ARID4B: variants seen among roughly 807,000 people sequenced by gnomAD.
ARID4B encodes the protein AT-rich interaction domain 4B, also known as AT-rich interactive domain-containing protein 4B.
ARID4B carries 26 observed loss-of-function variants against 147.5 expected under a neutral mutation model. The ratio of observed to expected loss-of-function variants is 0.18; its 90% confidence interval spans 0.13 to 0.24. The LOEUF (loss-of-function observed/expected upper bound fraction) is 0.24, where lower values mean the gene tolerates loss of function less well. Ranked by LOEUF, ARID4B falls within the 10% of genes least tolerant of loss-of-function variation. The pLI is 1.00. For synonymous variants in ARID4B, 512 were observed against 507.9 expected, an observed-to-expected ratio of 1.01 and a Z score of -0.11; for missense variants, 1,179 against 1,511.5, an observed-to-expected ratio of 0.78 and a Z score of 3.65.
intron 19 of ARID4B, 112 bp downstream of exon 19, chr1:235,193,901 A>T (rs1245170152): frequency 4.0e-5 from 30 of 757,082 alleles, no homozygotes; most frequent in Non-Finnish European, 5.6e-5. Context: ...GAGAGCAAAC[A>T]AAACTCTGGT....
chr1:235,308,737 G>C (rs1446639806), intron 2 of ARID4B, among the ~76,000 whole-genome samples: 2 of 152,272 alleles, frequency 1.3e-5, no homozygotes, highest in East Asian at 1.9e-4. Context: ...TCAGCCTCCC[G>C]AGGTGCCGGG....
Position 235,169,386 on chromosome 1 carries a change from G to A in ARID4B, c.3812-734C>T, listed in dbSNP as rs1467766328. Among the ~76,000 whole-genome samples, 8 of 151,322 alleles carry A rather than the reference G, an allele frequency of 5.3e-5. No homozygotes were observed. In the East Asian group the frequency reaches 1.4e-3, roughly 26 times the overall value. ...CCCCCCAGTAGCTGGGACTATAAGC[G>A]CCCGCCACCACGCCCGGCTAATTTT... On this transcript the variant is annotated intron_variant, in intron 23 of 23. Coordinates refer to ENST00000264183, the MANE Select transcript of ARID4B (RefSeq NM_016374.6).
intron 4 of ARID4B, 106 bp downstream of exon 4, chr1:235,257,054 A>G: frequency 1.3e-6 from 1 of 781,210 alleles, no homozygotes; most frequent in East Asian, 2.6e-5. Context: ...AGAAAATTAC[A>G]TATTGAATTT....
chr1:235,255,287 C>CTATATA (rs558596691), intron 5 of ARID4B, among the ~76,000 whole-genome samples: 1,511 of 136,578 alleles, frequency 0.011, 31 homozygotes, highest in South Asian at 0.035. Flanking sequence ...CTCTCTCTCT[C>CTATATA]TATATATATA....
At position 235,224,736 on chromosome 1, in the gene ARID4B, G is replaced by C; in HGVS notation, c.937C>G (p.Leu313Val). 6.3e-7 allele frequency: 1 copy of C among 1,598,724 alleles called. No individual in the cohort carries two copies. The change falls in exon 12 of 24, where the codon CTT becomes GTT. Residue 313 changes from leucine to valine, a missense_variant. Physicochemically the swap from Leu to Val is conservative, Grantham distance 32. Around this residue, in one of 10 missense-constraint regions of ARID4B, gnomAD observed 159 missense variants for 190.5 expected, o/e 0.83. Transcript: ENST00000264183. Reference sequence around the variant, plus strand: ...TCCATAAATTTGTACAATTGCTGAAGAAAGTTCTCCCTTTCTTCTGGAAAT... The same window carrying C: ...TCCATAAATTTGTACAATTGCTGAACAAAGTTCTCCCTTTCTTCTGGAAAT... ...EPFPEERENF[L>V]QQLYKFMEDR... is the part of the protein sequence containing the mutation.
At chr1:235,305,062 T>C (rs754424396) in intron 2 of ARID4B, among the ~76,000 whole-genome samples, 1 of 152,158 alleles carries the variant, frequency 6.6e-6, no homozygotes, top group Non-Finnish European at 1.5e-5. Context: ...TGCTAATTAG[T>C]TGACCTTGAA....
intron 2 of ARID4B, among the ~76,000 whole-genome samples, chr1:235,322,783 T>C (rs993374313): frequency 2.0e-5 from 3 of 150,160 alleles, no homozygotes; most frequent in Non-Finnish European, 3.0e-5. Flanking sequence ...GAATGACTTA[T>C]GAAAGGGGTG....
At chr1:235,263,770 G>A (rs1367281922) in intron 2 of ARID4B, among the ~76,000 whole-genome samples, 1 of 151,622 alleles carries the variant, frequency 6.6e-6, no homozygotes, top group Non-Finnish European at 1.5e-5. Context: ...GGCGGATCAC[G>A]AGGTCAGGAG....
intron 2 of ARID4B, among the ~76,000 whole-genome samples, chr1:235,308,973 C>T (rs1376363246): frequency 1.3e-5 from 2 of 151,512 alleles, no homozygotes; most frequent in Non-Finnish European, 2.9e-5. Context: ...GCCTGGCTGC[C>T]CAGTCTGGAA....
At chr1:235,255,265 A>ATCTC (rs1553304345) in intron 5 of ARID4B, among the ~76,000 whole-genome samples, 2 of 64,586 alleles carry the variant, frequency 3.1e-5, no homozygotes, top group South Asian at 7.0e-4. Context: ...ATAGATAGAT[A>ATCTC]TATATCTCTC....
At chr1:235,175,425 A>G in intron 21 of ARID4B, 26 bp from the exon 22 acceptor site, 1 of 1,548,862 alleles carries the variant, frequency 6.5e-7, no homozygotes, top group Admixed American at 1.7e-5. Context: ...AAGATTTAAT[A>G]AACAAAAATG....
At chr1:235,250,577 C>G (rs887936379) in intron 6 of ARID4B, among the ~76,000 whole-genome samples, 1 of 152,166 alleles carries the variant, frequency 6.6e-6, no homozygotes, top group African/African-American at 2.4e-5. Context: ...AATGCTTTTT[C>G]TCCTCCAACA....
At position 235,229,236 on chromosome 1, in the gene ARID4B, C is replaced by T. The variant is rs769112247; in HGVS notation, c.892G>A (p.Glu298Lys). 6 of 1,609,740 alleles carry T rather than the reference C, an allele frequency of 3.7e-6. No homozygotes were observed. Among genetic ancestry groups the T allele is most frequent in the Non-Finnish European group, 5.1e-6 (6 of 1,178,166 alleles). ...TATCAACTGTTTTCACTTACTTCTT[C>T]TTCACTGCTATTATCCTCCTTTTCT... ...EKEKEDNSSE[E>K]EEEIEPFPEE... Residue 298 changes from glutamate to lysine, a missense_variant, in exon 11 of 24, where the codon GAA becomes AAA. Glu to Lys is a moderately conservative substitution (Grantham distance 56). Transcript: ENST00000264183.
intron 3 of ARID4B, 54 bp downstream of exon 3, chr1:235,260,588 A>G: frequency 7.5e-7 from 1 of 1,340,362 alleles, no homozygotes; most frequent in Non-Finnish European, 1.0e-6. Flanking sequence ...ACCAAATAAA[A>G]GTTTACATAT....
chr1:235,227,307 C>CA (rs1436284170), intron 11 of ARID4B, among the ~76,000 whole-genome samples: 1 of 152,064 alleles, frequency 6.6e-6, no homozygotes, highest in Non-Finnish European at 1.5e-5. Flanking sequence ...TTTACAGTGA[C>CA]AAAAAGCTAC....
intron 2 of ARID4B, among the ~76,000 whole-genome samples, chr1:235,277,894 A>G (rs1671440936): frequency 6.6e-6 from 1 of 152,178 alleles, no homozygotes. Flanking sequence ...GACTCTCCAT[A>G]TGCACCTACT....
At position 235,182,332 on chromosome 1, in the gene ARID4B, C is replaced by T; in HGVS notation, c.2587G>A (p.Asp863Asn). The T allele has an allele frequency of 6.2e-7, 1 of 1,613,968 alleles. No individual in the cohort carries two copies. Among genetic ancestry groups the T allele is most frequent in the Non-Finnish European group, 8.5e-7 (1 of 1,179,986 alleles). ...CMENSSNSSS[D>N]EDEEETKAKM... ...GCTTTTGTTTCTTCTTCATCTTCAT[C>T]TGAAGAGCTGTTGCTACTGTTTTCC... is the stretch of plus-strand genomic sequence containing the variant. The change falls in exon 20 of 24, where the codon GAT becomes AAT. Residue 863 changes from aspartate to asparagine, a missense_variant. This residue lies in a region of ARID4B where 321 missense variants were observed against 342.4 expected (regional missense o/e 0.94). Transcript: ENST00000264183.
chr1:235,176,437 C>CAAAAAAAAAAAAAAAAAAAAA (rs34808765), intron 21 of ARID4B, among the ~76,000 whole-genome samples: 10 of 22,534 alleles, frequency 4.4e-4, no homozygotes, highest in African/African-American at 9.9e-4. Context: ...ACAACATCAC[C>CAAAAAAAAAAAAAAAAAAAAA]AAAAAAAAAA....
chr1:235,199,060 T>C (rs921155086), intron 17 of ARID4B, among the ~76,000 whole-genome samples: 3 of 151,964 alleles, frequency 2.0e-5, no homozygotes, highest in African/African-American at 2.4e-5. Context: ...GATCGCGCCA[T>C]TGCACTCCAG....
Sources: allele counts gnomAD v4.1 joint callset (sites outside exome capture counted in the v4.1 genomes callset), GRCh38; gene constraint gnomAD v4.1.1; regional missense constraint gnomAD v4.1.1; transcripts MANE v1.5; gene names NCBI Gene and HGNC (gene_info 2026-07-23, HGNC 2026-07-21).